The following ATAD2 variants were observed in gnomAD, a reference collection of about 807,000 sequenced individuals.
ATAD2 encodes the protein ATPase family AAA domain containing 2.
Under a neutral mutation model 168.9 loss-of-function variants are expected in ATAD2, and 62 were observed. The ratio of observed to expected loss-of-function variants is 0.37; its 90% confidence interval spans 0.30 to 0.45. The LOEUF (loss-of-function observed/expected upper bound fraction) is 0.45. Among genes scored for constraint, ATAD2 ranks in the 20% least tolerant of loss-of-function variants. ATAD2 has a pLI of 1.00. For synonymous variants in ATAD2, 613 were observed against 571.6 expected (o/e 1.07, Z -1.03); for missense variants, 1,419 against 1,667.8 (o/e 0.85, Z 2.60).
chr8:123,374,872 C>A (rs2129789576), intron 2 of ATAD2, among the ~76,000 whole-genome samples: 1 of 152,292 alleles, frequency 6.6e-6, no homozygotes, highest in Non-Finnish European at 1.5e-5. Context: ...TCACTGGACC[C>A]TAGTTAAGAA....
intron 1 of ATAD2, among the ~76,000 whole-genome samples, chr8:123,388,656 T>C (rs1829714895): frequency 6.6e-6 from 1 of 152,098 alleles, no homozygotes; most frequent in Non-Finnish European, 1.5e-5. Context: ...ACTGCTGGGA[T>C]TACAGGTGTG....
intron 8 of ATAD2, among the ~76,000 whole-genome samples, chr8:123,365,280 T>G (rs765126963): frequency 9.9e-5 from 15 of 152,178 alleles, no homozygotes; most frequent in South Asian, 2.1e-4. Context: ...AAATAACAGA[T>G]GACACAAATA....
rs779282178 is a variant in ATAD2, at chr8:123,361,559, A to G, written c.1137T>C (p.Ser379=). The change falls in exon 9 of 28, where the codon AGT becomes AGC. Residue 379 remains serine (S), a synonymous_variant. Coordinates refer to ENST00000287394, the MANE Select transcript of ATAD2 (RefSeq NM_014109.4). The part of the protein sequence containing the change: ...EQHFERRRKR[S]RNRAINRCLP... ...CTTACCTATTGATAGCCCTATTACGACTCCTTTTCCTCCGCCTCTCAAAGT... is the reference window on the plus strand; with the variant it reads ...CTTACCTATTGATAGCCCTATTACGGCTCCTTTTCCTCCGCCTCTCAAAGT... 7.4e-6 allele frequency: 12 copies of G among 1,612,728 alleles called. No homozygotes were observed. The highest frequency in any genetic ancestry group is 1.3e-5 in the African/African-American group (1 of 74,798).
At chr8:123,362,300 T>TAAAAAAAAAAAA (rs58362261) in intron 8 of ATAD2, among the ~76,000 whole-genome samples, 1 of 133,722 alleles carries the variant, frequency 7.5e-6, no homozygotes. Flanking sequence ...TGCCTCTATC[T>TAAAAAAAAAAAA]AAAAAAAAAA....
At chr8:123,389,957 A>ATT (rs1409201070) in intron 1 of ATAD2, among the ~76,000 whole-genome samples, 13 of 46,318 alleles carry the variant, frequency 2.8e-4, no homozygotes, top group East Asian at 6.1e-4. Context: ...TATTACTATT[A>ATT]TTTTATATAT....
At chr8:123,380,924 T>A in intron 1 of ATAD2, 1 of 412,088 alleles carries the variant, frequency 2.4e-6, no homozygotes, top group South Asian at 3.1e-5. Context: ...AAGTAGTTCA[T>A]AACCACTTTA....
At position 123,358,958 on chromosome 8, in the gene ATAD2, C is replaced by T. The variant is rs540949712; in HGVS notation, c.1382+263G>A. 2.4e-3 allele frequency among the ~76,000 whole-genome samples: 368 copies of T among 151,984 alleles called. 1 individual carries two copies. Among genetic ancestry groups the T allele is most frequent in the Non-Finnish European group, 2.6e-3 (178 of 67,966 alleles). On this transcript the variant is annotated intron_variant, in intron 11 of 27. Transcript: ENST00000287394. The stretch of plus-strand genomic sequence containing the variant: ...AGCTCAGGTAATCCACCCGCCTTGG[C>T]CCCCCAAAGTGCTGGGATTACAGGC...
chr8:123,326,806 T>G (rs531762018), intron 25 of ATAD2, among the ~76,000 whole-genome samples: 42 of 152,334 alleles, frequency 2.8e-4, no homozygotes, highest in Middle Eastern at 6.8e-3. Flanking sequence ...TATTTAACTA[T>G]CTGGTATTTG....
chr8:123,387,988 T>A (rs552447174), intron 1 of ATAD2, among the ~76,000 whole-genome samples: 1 of 152,218 alleles, frequency 6.6e-6, no homozygotes, highest in Non-Finnish European at 1.5e-5. Flanking sequence ...TTCTAATACA[T>A]GATATACATG....
intron 19 of ATAD2, among the ~76,000 whole-genome samples, chr8:123,341,245 GC>G (rs1367825942): frequency 3.2e-4 from 49 of 152,248 alleles, no homozygotes; most frequent in Middle Eastern, 6.8e-3. Flanking sequence ...AGTAAGAGAA[GC>G]TATGCTTTAA....
intron 12 of ATAD2, 77 bp downstream of exon 12, chr8:123,357,485 G>A (rs1429080084): frequency 1.5e-6 from 2 of 1,294,150 alleles, no homozygotes; most frequent in African/African-American, 1.5e-5. Context: ...CTGATTAAAT[G>A]TAAGATTTAT....
intron 19 of ATAD2, among the ~76,000 whole-genome samples, chr8:123,344,121 C>T (rs1452724919): frequency 1.3e-5 from 2 of 151,922 alleles, no homozygotes; most frequent in Non-Finnish European, 2.9e-5. Context: ...AACTAAAATA[C>T]AAGGATGCTC....
chr8:123,333,664 T>C (rs1029429088), intron 24 of ATAD2, among the ~76,000 whole-genome samples: 4 of 152,162 alleles, frequency 2.6e-5, no homozygotes. Context: ...CAGTTTCAAA[T>C]CAAGACAGTC....
At chr8:123,366,601 T>A (rs1174814220) in intron 8 of ATAD2, among the ~76,000 whole-genome samples, 1 of 152,228 alleles carries the variant, frequency 6.6e-6, no homozygotes, top group African/African-American at 2.4e-5. Context: ...ATTGGAGACT[T>A]ACTCTAAGTG....
intron 2 of ATAD2, among the ~76,000 whole-genome samples, chr8:123,373,053 C>T (rs940304526): frequency 2.0e-5 from 3 of 151,984 alleles, no homozygotes; most frequent in Admixed American, 6.6e-5. Context: ...TCATCTCGCC[C>T]GGCTAATTTT....
intron 8 of ATAD2, among the ~76,000 whole-genome samples, chr8:123,362,926 G>C (rs943694297): frequency 3.3e-5 from 5 of 151,856 alleles, no homozygotes; most frequent in African/African-American, 1.2e-4. Context: ...TCACAAAAAA[G>C]AAAAAAATAC....
Position 123,392,980 on chromosome 8 carries a change from C to T in ATAD2, c.171+3207G>A, listed in dbSNP as rs187207669. 4.8e-3 allele frequency among the ~76,000 whole-genome samples: 732 copies of T among 152,146 alleles called. 6 individuals are homozygous for T. The highest frequency in any genetic ancestry group is 0.017 in the African/African-American group (699 of 41,486). ...AGGGCGGATCATGAAGTCAGGAGATCGAGACCACCCTGGCCAACACGGTGA... is the reference window on the plus strand; with the variant it reads ...AGGGCGGATCATGAAGTCAGGAGATTGAGACCACCCTGGCCAACACGGTGA... On this transcript the variant is annotated intron_variant, in intron 1 of 27. Transcript: ENST00000287394.
intron 27 of ATAD2, among the ~76,000 whole-genome samples, chr8:123,321,879 C>T (rs1827477764): frequency 6.6e-6 from 1 of 151,930 alleles, no homozygotes; most frequent in African/African-American, 2.4e-5. Context: ...TTATAGTGAG[C>T]TATGTTCTTG....
intron 1 of ATAD2, among the ~76,000 whole-genome samples, chr8:123,407,000 A>G (rs915973946): frequency 6.6e-6 from 1 of 152,134 alleles, no homozygotes; most frequent in Non-Finnish European, 1.5e-5. Flanking sequence ...GTGAACCCTA[A>G]ATCCAATGAC....
Sources: gnomAD v4.1 joint callset for allele counts (sites outside exome capture counted in the v4.1 genomes callset) on GRCh38, gnomAD v4.1.1 for gene constraint, MANE v1.5 for transcripts, NCBI Gene and HGNC (gene_info 2026-07-23, HGNC 2026-07-21) for gene names.